Variants in OGDH observed in about 807,000 individuals in gnomAD.
OGDH encodes the protein oxoglutarate dehydrogenase.
In OGDH, 38 loss-of-function variants were observed where a neutral mutation model predicts 116.6. That is an observed-to-expected ratio of 0.33 (90% CI 0.25 to 0.43). OGDH has a LOEUF of 0.43. Ranked by LOEUF, OGDH falls within the 20% of genes least tolerant of loss-of-function variation. The pLI is 1.00. For synonymous variants in OGDH, 488 were observed against 533.3 expected, an observed-to-expected ratio of 0.92 and a Z score of 1.17; for missense variants, 825 against 1,357.2, an observed-to-expected ratio of 0.61 and a Z score of 6.16.
At position 44,708,042 on chromosome 7, in the gene OGDH, A is replaced by C; in HGVS notation, c.*43A>C. The C allele has an allele frequency of 1.3e-6, 2 of 1,592,482 alleles. No individual in the cohort carries two copies. The highest frequency in any genetic ancestry group is 1.7e-6 in the Non-Finnish European group (2 of 1,172,124). On this transcript the variant is annotated 3_prime_UTR_variant, in exon 23 of 23. Transcript: ENST00000222673. ...TTGGGCCACTGCCCTCTCCACACCC[A>C]TGACTGCCCCTTGCTTCTCAACTAA...
intron 2 of OGDH, among the ~76,000 whole-genome samples, chr7:44,634,534 C>T (rs182087577): frequency 9.4e-4 from 143 of 152,314 alleles, no homozygotes; most frequent in African/African-American, 3.3e-3. Context: ...GTTTTATTTA[C>T]ACACCTGTAC....
At chr7:44,681,625 A>AT (rs1787933338) in intron 9 of OGDH, 95 bp from the exon 10 acceptor site, 5 of 1,500,032 alleles carry the variant, frequency 3.3e-6, no homozygotes, top group Non-Finnish European at 3.6e-6. Flanking sequence ...TCAAAACGTT[A>AT]TTTTTTGAAA....
intron 1 of OGDH, among the ~76,000 whole-genome samples, chr7:44,616,462 C>G (rs1051196152): frequency 6.6e-6 from 1 of 152,018 alleles, no homozygotes; most frequent in Non-Finnish European, 1.5e-5. Context: ...GCTAAATAGG[C>G]TTCTGTGCTA....
chr7:44,626,810 G>C (rs373328728), intron 2 of OGDH, among the ~76,000 whole-genome samples: 55 of 152,086 alleles, frequency 3.6e-4, no homozygotes, highest in Non-Finnish European at 5.9e-5. Context: ...TGCATGCTCT[G>C]CCCCTCCCTG....
At chr7:44,698,378 C>A in intron 18 of OGDH, 115 bp downstream of exon 18, 3 of 1,104,642 alleles carry the variant, frequency 2.7e-6, no homozygotes, top group African/African-American at 1.5e-5. Flanking sequence ...CTGTCCCTTT[C>A]TCCATCCTGG....
intron 9 of OGDH, 76 bp downstream of exon 9, chr7:44,676,225 T>C: frequency 1.9e-6 from 3 of 1,612,982 alleles, no homozygotes; most frequent in Non-Finnish European, 2.5e-6. Context: ...CTCACCAACA[T>C]AACCCAGAGC....
chr7:44,696,851 A>G, intron 14 of OGDH, 63 bp from the exon 15 acceptor site: 1 of 1,520,782 alleles, frequency 6.6e-7, no homozygotes, highest in Middle Eastern at 1.7e-4. Flanking sequence ...GGGCACGCTG[A>G]GAAGCAAGGC....
intron 4 of OGDH, among the ~76,000 whole-genome samples, chr7:44,649,396 C>T (rs547988306): frequency 6.3e-4 from 95 of 151,790 alleles, no homozygotes; most frequent in Admixed American, 1.1e-3. Flanking sequence ...ACTACAGGAG[C>T]GCACCACCAC....
At chr7:44,649,163 A>T (rs1786323051) in intron 4 of OGDH, among the ~76,000 whole-genome samples, 1 of 151,464 alleles carries the variant, frequency 6.6e-6, no homozygotes, top group Admixed American at 6.6e-5. Context: ...AGGGACTTGC[A>T]TCTGGAAGCC....
At position 44,676,168 on chromosome 7, in the gene OGDH, C is replaced by T. The variant is rs202133522; in HGVS notation, c.1206+19C>T. On this transcript the variant is annotated intron_variant, in intron 9 of 22. Transcript: ENST00000222673. ...GAAAAAGGTAAGGCCCAGAGAGAGG[C>T]GTGCAAGGCAGATCGTCAAGGCCCC... 1.2e-6 allele frequency: 2 copies of T among 1,614,148 alleles called. No individual in the cohort carries two copies. Among genetic ancestry groups the T allele is most frequent in the South Asian group, 1.1e-5 (1 of 91,080 alleles).
rs572087219 is a variant in OGDH at position 44,623,123 on chromosome 7, A to C, written c.-27-1194A>C. On this transcript the variant is annotated intron_variant, in intron 1 of 22. Coordinates refer to ENST00000222673, the MANE Select transcript of OGDH (RefSeq NM_002541.4). ...AAGGGGGCTGAGTGCAGAAGGTGGC[A>C]GGCAGGACACTGGACAACCCTCTGT... 2.0e-5 allele frequency among the ~76,000 whole-genome samples: 3 copies of C among 152,302 alleles called. No individual in the cohort carries two copies. The East Asian group carries it at 5.8e-4, about 29-fold the overall frequency.
chr7:44,687,865 GA>G (rs1256163669), intron 10 of OGDH, among the ~76,000 whole-genome samples: 1 of 152,048 alleles, frequency 6.6e-6, no homozygotes, highest in Non-Finnish European at 1.5e-5. Flanking sequence ...GTTGATTTCA[GA>G]GTGTTCATCA....
At position 44,697,179 on chromosome 7, in the gene OGDH, A is replaced by G. The variant is rs1788624263; in HGVS notation, c.2051+115A>G. The G allele has an allele frequency of 1.7e-5, 25 of 1,495,718 alleles. No homozygotes were observed. Among genetic ancestry groups the G allele is most frequent in the Non-Finnish European group, 2.3e-5 (25 of 1,101,072 alleles). 92.7% of individuals were successfully genotyped at this position (1,495,718 alleles called of 1,614,324 possible). On this transcript the variant is annotated intron_variant, in intron 15 of 22. Transcript: ENST00000222673. The surrounding 1 kb of genome is among the most constrained non-coding windows in gnomAD (Gnocchi z 6.0). ...AAACCGGAAGAGTCACATTGCTCTC[A>G]GGCTGAAAACCTCTGTCCCTCATTT... is the stretch of plus-strand genomic sequence containing the variant.
At chr7:44,650,849 TGTGTA>T (rs1238944770) in intron 4 of OGDH, among the ~76,000 whole-genome samples, 1 of 152,146 alleles carries the variant, frequency 6.6e-6, no homozygotes, top group African/African-American at 2.4e-5. Context: ...CAGGGACTGT[TGTGTA>T]GTGGTGTACT....
At chr7:44,616,793 A>G (rs375059881) in intron 1 of OGDH, among the ~76,000 whole-genome samples, 22 of 105,920 alleles carry the variant, frequency 2.1e-4, no homozygotes, top group Admixed American at 6.0e-4. Context: ...GCATATATAT[A>G]TGTGTATATA....
At chr7:44,620,400 T>C (rs966854423) in intron 1 of OGDH, among the ~76,000 whole-genome samples, 4 of 152,238 alleles carry the variant, frequency 2.6e-5, no homozygotes, top group Non-Finnish European at 4.4e-5. Context: ...TAAGAATACA[T>C]TGCTTGAATC....
At position 44,647,726 on chromosome 7, in the gene OGDH, C is replaced by A; in HGVS notation, c.484C>A (p.Pro162Thr). 6.2e-7 allele frequency: 1 copy of A among 1,614,076 alleles called. No individual in the cohort carries two copies. Among genetic ancestry groups the A allele is most frequent in the Non-Finnish European group, 8.5e-7 (1 of 1,179,988 alleles). The stretch of plus-strand genomic sequence containing the variant: ...GGATGCTGATCTGGACTCCTCCGTG[C>A]CCGCTGACATTATCTCATCCACAGA... Reference protein sequence around the residue: ...ILDADLDSSVPADIISSTDKL... With the variant: ...ILDADLDSSVTADIISSTDKL... Residue 162 changes from proline to threonine, a missense_variant, in exon 4 of 23, where the codon CCC (proline) becomes ACC (threonine). Pro to Thr is a conservative substitution (Grantham distance 38). This residue lies in a region of OGDH where 171 missense variants were observed against 276.8 expected (regional missense o/e 0.62). Coordinates refer to ENST00000222673, the MANE Select transcript of OGDH (RefSeq NM_002541.4).
chr7:44,651,462 T>C (rs1278732885), intron 4 of OGDH, among the ~76,000 whole-genome samples: 1 of 152,202 alleles, frequency 6.6e-6, no homozygotes, highest in Non-Finnish European at 1.5e-5. Context: ...TCAGATGTTA[T>C]GGACACACTC....
chr7:44,636,078 C>G (rs1487239452), intron 2 of OGDH, among the ~76,000 whole-genome samples: 1 of 152,230 alleles, frequency 6.6e-6, no homozygotes, highest in Non-Finnish European at 1.5e-5. Context: ...CTTTTACAGA[C>G]AAGAAAACAG....
Sources: gnomAD v4.1 joint callset for allele counts (sites outside exome capture counted in the v4.1 genomes callset) on GRCh38, gnomAD v4.1.1 for gene constraint, gnomAD v4.1.1 regional missense constraint, Gnocchi (gnomAD v3.1) non-coding constraint, MANE v1.5 for transcripts, NCBI Gene and HGNC (gene_info 2026-07-23, HGNC 2026-07-21) for gene names.